Variants in PBX1 observed in about 807,000 individuals in gnomAD.
PBX1 encodes the protein pre-B-cell leukemia transcription factor 1.
A neutral mutation model predicts 53.4 loss-of-function variants in PBX1; 6 were observed. The observed-to-expected ratio is 0.11, with a 90% confidence interval of 0.06 to 0.22. The LOEUF (loss-of-function observed/expected upper bound fraction) is 0.22. PBX1 is among the 10% of genes least tolerant of loss of function. The pLI is 1.00. For missense variants in PBX1, 251 were observed against 551.4 expected (o/e 0.46, Z 5.46); for synonymous variants, 204 against 212.3 (o/e 0.96, Z 0.34).
At chr1:164,739,694 C>T (rs567590403) in intron 2 of PBX1, among the ~76,000 whole-genome samples, 22 of 151,626 alleles carry the variant, frequency 1.5e-4, no homozygotes, top group Admixed American at 9.2e-4. Flanking sequence ...AGCACAGTGC[C>T]GTCTCTTTTT....
intron 2 of PBX1, among the ~76,000 whole-genome samples, chr1:164,689,891 C>T (rs1414548151): frequency 1.3e-5 from 2 of 152,134 alleles, no homozygotes; most frequent in African/African-American, 2.4e-5. Flanking sequence ...TGCAGTTCCC[C>T]TCTCACTGGT....
rs868343803 is a variant in PBX1 at position 164,829,256 on chromosome 1, C to A, written c.1200+7630C>A. The A allele has an allele frequency of 3.3e-5, 5 of 152,282 alleles. No individual in the cohort carries two copies. In the Middle Eastern group the frequency reaches 0.017, roughly 518 times the overall value. The allele number at this position is 152,282 out of a possible 1,614,324, so 9.4% of individuals were successfully genotyped here. A position where few individuals can be genotyped will look rare whatever the true frequency, so the allele number is the denominator to read the frequency against. On this transcript the variant is annotated intron_variant, in intron 8 of 8. Coordinates refer to ENST00000420696, the MANE Select transcript of PBX1 (RefSeq NM_002585.4). ...TTTGGTGAATGGCCATTGTAAGGTGCATTTACACACATATAATCATACTCC... is the reference window on the plus strand; with the variant it reads ...TTTGGTGAATGGCCATTGTAAGGTGAATTTACACACATATAATCATACTCC...
At chr1:164,744,956 C>T (rs1420718852) in intron 2 of PBX1, among the ~76,000 whole-genome samples, 1 of 152,064 alleles carries the variant, frequency 6.6e-6, no homozygotes, top group Admixed American at 6.5e-5. Flanking sequence ...GACTCTAAGC[C>T]ATGTAATACA....
intron 2 of PBX1, among the ~76,000 whole-genome samples, chr1:164,603,163 A>ATT (rs66915947): frequency 0.011 from 1,670 of 147,960 alleles, 29 homozygotes; most frequent in African/African-American, 0.039. Context: ...GGGAAGCAGC[A>ATT]TTTTTTTTTT....
intron 2 of PBX1, among the ~76,000 whole-genome samples, chr1:164,597,478 G>A (rs550356523): frequency 1.3e-5 from 2 of 152,258 alleles, no homozygotes; most frequent in East Asian, 1.9e-4. Context: ...CTATTTGGGG[G>A]TGCAGAGATA....
At chr1:164,846,274 C>T (rs1239382102) in intron 8 of PBX1, among the ~76,000 whole-genome samples, 1 of 152,160 alleles carries the variant, frequency 6.6e-6, no homozygotes, top group African/African-American at 2.4e-5. Context: ...AAACTTGAGT[C>T]CCTTGACCTG....
intron 2 of PBX1, among the ~76,000 whole-genome samples, chr1:164,620,275 A>G (rs1252282884): frequency 6.6e-6 from 1 of 152,222 alleles, no homozygotes; most frequent in African/African-American, 2.4e-5. Flanking sequence ...GTATTTGAAG[A>G]TCCAAAATAG....
chr1:164,747,270 G>A (rs1665939876), intron 2 of PBX1, among the ~76,000 whole-genome samples: 1 of 151,774 alleles, frequency 6.6e-6, no homozygotes, highest in African/African-American at 2.4e-5. Flanking sequence ...TACTATGTTT[G>A]TAACTCTCCT....
At chr1:164,651,069 C>T (rs377321461) in intron 2 of PBX1, among the ~76,000 whole-genome samples, 7 of 152,302 alleles carry the variant, frequency 4.6e-5, no homozygotes, top group Admixed American at 3.3e-4. Context: ...CTCCTTGTAC[C>T]TCCCATCTCT....
intron 2 of PBX1, among the ~76,000 whole-genome samples, chr1:164,687,130 A>C (rs1348641955): frequency 6.6e-6 from 1 of 152,194 alleles, no homozygotes; most frequent in African/African-American, 2.4e-5. Flanking sequence ...ATGGTCCTCA[A>C]GACTACCTTT....
chr1:164,742,220 A>G (rs532826682), intron 2 of PBX1, among the ~76,000 whole-genome samples: 9 of 152,234 alleles, frequency 5.9e-5, no homozygotes, highest in African/African-American at 2.2e-4. Context: ...TTACTTACGG[A>G]TTGGAAGGCC....
At chr1:164,819,253 T>C (rs1246383289) in intron 6 of PBX1, 1 of 152,202 alleles carries the variant, frequency 6.6e-6, no homozygotes, top group African/African-American at 2.4e-5. Context: ...CACTGGATGA[T>C]GCTTCCATCC....
intron 2 of PBX1, among the ~76,000 whole-genome samples, chr1:164,779,441 C>T (rs1008271882): frequency 2.6e-5 from 4 of 152,084 alleles, no homozygotes; most frequent in Non-Finnish European, 4.4e-5. Context: ...ACACTTTGTG[C>T]GGGTTGAGAG....
chr1:164,574,086 G>A (rs1654055412), intron 2 of PBX1, among the ~76,000 whole-genome samples: 1 of 152,196 alleles, frequency 6.6e-6, no homozygotes, highest in South Asian at 2.1e-4. Context: ...CACTATTGAG[G>A]TCACTGCTGG....
chr1:164,883,842 C>T (rs919266417), intron 2 of PBX1, among the ~76,000 whole-genome samples: 2 of 152,220 alleles, frequency 1.3e-5, no homozygotes, highest in African/African-American at 4.8e-5. Flanking sequence ...TTTTCTCTGA[C>T]AATGTTTTTA....
At chr1:164,835,767 T>C (rs779824374) in intron 8 of PBX1, among the ~76,000 whole-genome samples, 28 of 152,210 alleles carry the variant, frequency 1.8e-4, no homozygotes, top group Non-Finnish European at 3.1e-4. Context: ...AGTCTCATCC[T>C]ATTTCTGTGT....
chr1:164,675,262 T>A (rs1661367512), intron 2 of PBX1, among the ~76,000 whole-genome samples: 1 of 152,202 alleles, frequency 6.6e-6, no homozygotes, highest in Non-Finnish European at 1.5e-5. Flanking sequence ...TCTAGATCTT[T>A]ATTCTACCTC....
intron 2 of PBX1, chr1:164,884,600 C>G: frequency 2.0e-6 from 1 of 506,842 alleles, no homozygotes; most frequent in South Asian, 1.6e-5. Flanking sequence ...AAGTCCTCTT[C>G]TCTTGACTGA....
intron 2 of PBX1, among the ~76,000 whole-genome samples, chr1:164,731,733 A>G (rs1335108277): frequency 1.3e-5 from 2 of 152,142 alleles, no homozygotes; most frequent in Non-Finnish European, 2.9e-5. Context: ...TAATTACTGT[A>G]ATTAAGGATT....
Sources: allele counts gnomAD v4.1 joint callset (sites outside exome capture counted in the v4.1 genomes callset), GRCh38; gene constraint gnomAD v4.1.1; transcripts MANE v1.5; gene names NCBI Gene and HGNC (gene_info 2026-07-23, HGNC 2026-07-21).